The following PDE8B variants were observed in gnomAD, a reference collection of about 807,000 sequenced individuals.
The protein encoded by PDE8B is phosphodiesterase 8B.
In PDE8B, 26 loss-of-function variants were observed where a neutral mutation model predicts 101.3. The observed-to-expected ratio is 0.26, with a 90% confidence interval of 0.19 to 0.36. The LOEUF is 0.36. PDE8B is among the 10% of genes least tolerant of loss of function. The pLI is 1.00. For synonymous variants in PDE8B, 424 were observed against 429.3 expected, an observed-to-expected ratio of 0.99 and a Z score of 0.15; for missense variants, 810 against 1,163.1, an observed-to-expected ratio of 0.70 and a Z score of 4.42.
intron 1 of PDE8B, among the ~76,000 whole-genome samples, chr5:77,216,384 CGAA>C (rs1561359088): frequency 6.6e-6 from 1 of 152,046 alleles, no homozygotes; most frequent in Non-Finnish European, 1.5e-5. Context: ...TGGCCAAAGG[CGAA>C]AGGCATGTCT....
At chr5:77,409,661 G>A (rs1313119542) in intron 14 of PDE8B, among the ~76,000 whole-genome samples, 1 of 152,026 alleles carries the variant, frequency 6.6e-6, no homozygotes, top group East Asian at 1.9e-4. Flanking sequence ...CTATTCTGGT[G>A]TTTTGCTGTG....
chr5:77,102,955 T>C, the PDE8B span, among the ~76,000 whole-genome samples: 1 of 152,170 alleles, frequency 6.6e-6, no homozygotes, highest in African/African-American at 2.4e-5. Flanking sequence ...TCGGGCAGCT[T>C]TCCATGTGAA....
the PDE8B span, among the ~76,000 whole-genome samples, chr5:77,109,946 T>G: frequency 3.3e-3 from 417 of 127,888 alleles, 10 homozygotes; most frequent in African/African-American, 0.012. Flanking sequence ...TTTTTTTTTT[T>G]TTTTTTTTTG....
intron 10 of PDE8B, among the ~76,000 whole-genome samples, chr5:77,354,213 G>A (rs1781675093): frequency 1.3e-5 from 2 of 152,186 alleles, no homozygotes; most frequent in African/African-American, 4.8e-5. Flanking sequence ...GCCAGGCCTG[G>A]AGATCAACTG....
At chr5:77,357,887 C>T (rs571182077) in intron 10 of PDE8B, among the ~76,000 whole-genome samples, 1 of 152,378 alleles carries the variant, frequency 6.6e-6, no homozygotes, top group South Asian at 2.1e-4. Flanking sequence ...CCAGTCCTTA[C>T]ACCTTCATGG....
At chr5:77,340,253 A>G (rs1778960790) in intron 6 of PDE8B, among the ~76,000 whole-genome samples, 1 of 152,226 alleles carries the variant, frequency 6.6e-6, no homozygotes, top group Admixed American at 6.5e-5. Context: ...CAATTTTAGA[A>G]AGAATCAAAA....
At chr5:77,348,019 C>G (rs1030619403) in intron 7 of PDE8B, among the ~76,000 whole-genome samples, 4 of 152,100 alleles carry the variant, frequency 2.6e-5, no homozygotes, top group Non-Finnish European at 4.4e-5. Context: ...AAGACAATAT[C>G]AGGCCTCCTT....
chr5:77,182,027 G>A, the PDE8B span, among the ~76,000 whole-genome samples: 5 of 145,860 alleles, frequency 3.4e-5, no homozygotes, highest in Admixed American at 2.7e-4. Context: ...CAATTCATCA[G>A]CAGTGGCAAG....
rs531612756 is a variant in PDE8B at position 77,413,410 on chromosome 5, T to C, written c.1911+101T>C. The C allele has an allele frequency of 2.8e-4, 290 of 1,043,180 alleles. 1 individual carries two copies. The highest frequency in any genetic ancestry group is 4.0e-4 in the Non-Finnish European group (278 of 697,738). 64.6% of individuals were successfully genotyped at this position (1,043,180 alleles called of 1,614,324 possible). On this transcript the variant is annotated intron_variant, in intron 17 of 21. Transcript: ENST00000264917. ...GGCAAACAGCTATTTTGCAACCAAG[T>C]TGACAGCTTTTTTAAAAAAAAATTT...
the PDE8B span, among the ~76,000 whole-genome samples, chr5:77,154,388 C>T: frequency 4.6e-5 from 7 of 152,328 alleles, no homozygotes; most frequent in Non-Finnish European, 7.3e-5. Flanking sequence ...CCTAGCATGG[C>T]GCTTGGCACA....
the PDE8B span, among the ~76,000 whole-genome samples, chr5:77,183,640 ATTTTC>A: frequency 6.6e-6 from 1 of 152,154 alleles, no homozygotes; most frequent in Non-Finnish European, 1.5e-5. Context: ...ATGAGTGATA[ATTTTC>A]TTTTCTTTTT....
intron 10 of PDE8B, among the ~76,000 whole-genome samples, chr5:77,370,102 TC>T (rs1460775647): frequency 6.6e-6 from 1 of 152,238 alleles, no homozygotes; most frequent in Non-Finnish European, 1.5e-5. Context: ...TTAGTACTTT[TC>T]CTCCTAAAGC....
chr5:77,322,862 A>G (rs1775350582), intron 2 of PDE8B, among the ~76,000 whole-genome samples: 1 of 152,210 alleles, frequency 6.6e-6, no homozygotes, highest in South Asian at 2.1e-4. Flanking sequence ...TTGTTCATCA[A>G]CATACCATAA....
intron 1 of PDE8B, among the ~76,000 whole-genome samples, chr5:77,297,189 G>A (rs1018933916): frequency 2.0e-5 from 3 of 152,162 alleles, no homozygotes; most frequent in Non-Finnish European, 4.4e-5. Flanking sequence ...CCACTCTCAA[G>A]ATAACAGCAT....
intron 2 of PDE8B, among the ~76,000 whole-genome samples, chr5:77,320,119 A>C (rs1434588898): frequency 7.9e-5 from 12 of 152,208 alleles, no homozygotes; most frequent in Admixed American, 7.9e-4. Flanking sequence ...TTATTAAGAT[A>C]GCTTTACATG....
chr5:77,127,618 A>G, the PDE8B span, among the ~76,000 whole-genome samples: 3 of 152,100 alleles, frequency 2.0e-5, no homozygotes, highest in Middle Eastern at 3.2e-3. Context: ...GCTTGAGCCA[A>G]AACCTGACTC....
At chr5:77,237,980 C>A (rs1477125700) in intron 1 of PDE8B, among the ~76,000 whole-genome samples, 3 of 152,134 alleles carry the variant, frequency 2.0e-5, no homozygotes, top group Non-Finnish European at 4.4e-5. Context: ...TATGGTCCCC[C>A]TGTAAATAGT....
At chr5:77,387,048 T>C (rs1788845004) in intron 10 of PDE8B, among the ~76,000 whole-genome samples, 2 of 150,650 alleles carry the variant, frequency 1.3e-5, no homozygotes, top group African/African-American at 4.9e-5. Context: ...CGCGCCCGGC[T>C]AATTTTTTGT....
At chr5:77,332,697 C>G (rs1167636818) in intron 5 of PDE8B, among the ~76,000 whole-genome samples, 1 of 152,024 alleles carries the variant, frequency 6.6e-6, no homozygotes, top group Non-Finnish European at 1.5e-5. Flanking sequence ...ATTAGCTGGG[C>G]GTGGTGGCAC....
Sources: gnomAD v4.1 joint callset for allele counts (sites outside exome capture counted in the v4.1 genomes callset) on GRCh38, gnomAD v4.1.1 for gene constraint, MANE v1.5 for transcripts, NCBI Gene and HGNC (gene_info 2026-07-23, HGNC 2026-07-21) for gene names.